Variants in TUB observed in about 807,000 individuals in gnomAD.
TUB encodes tubby protein homolog.
Under a neutral mutation model 59.7 loss-of-function variants are expected in TUB, and 33 were observed. That is an observed-to-expected ratio of 0.55 (90% CI 0.42 to 0.74). The LOEUF (loss-of-function observed/expected upper bound fraction) is 0.74. Among genes scored for constraint, TUB ranks in the 30% least tolerant of loss-of-function variants. TUB has a pLI of 0.00. For missense variants in TUB, 659 were observed against 672.0 expected, an observed-to-expected ratio of 0.98 and a Z score of 0.21; for synonymous variants, 293 against 256.4, an observed-to-expected ratio of 1.14 and a Z score of -1.36.
chr11:8,073,654 C>T (rs1943395513), intron 2 of TUB, among the ~76,000 whole-genome samples: 2 of 152,202 alleles, frequency 1.3e-5, no homozygotes, highest in South Asian at 4.1e-4. Flanking sequence ...TCCAATAATG[C>T]TGGTGAAACA....
chr11:8,072,051 G>A lies in TUB; in HGVS notation c.204-17559G>A, dbSNP rs11041731. Among the ~76,000 whole-genome samples, 1,007 of 152,338 alleles carry A rather than the reference G, an allele frequency of 6.6e-3. 11 individuals carry two copies. The highest frequency in any genetic ancestry group is 0.023 in the African/African-American group (957 of 41,574). On this transcript the variant is annotated intron_variant, in intron 2 of 12. Coordinates refer to the TUB transcript ENST00000305253. ...TGGAGGTACAGGAAGGGGCCACTCT[G>A]CAGCAGCGGAGAGGGTGGTGACAGC...
At chr11:8,021,332 T>C (rs1296474829) in intron 1 of TUB, among the ~76,000 whole-genome samples, 11 of 152,024 alleles carry the variant, frequency 7.2e-5, no homozygotes, top group Non-Finnish European at 2.9e-5. Context: ...TAGCTGGGCA[T>C]GGAGGTGCAC....
chr11:8,042,200 G>T (rs574047053), intron 2 of TUB, among the ~76,000 whole-genome samples: 1 of 151,192 alleles, frequency 6.6e-6, no homozygotes, highest in Admixed American at 6.6e-5. Context: ...GCCTATTCTG[G>T]ACATTTCATG....
intron 2 of TUB, among the ~76,000 whole-genome samples, chr11:8,064,215 G>A (rs1378484126): frequency 6.6e-6 from 1 of 152,164 alleles, no homozygotes; most frequent in East Asian, 1.9e-4. Context: ...TTGCCCCAGG[G>A]AGAAGACTGA....
rs749961508 is a variant in TUB, at chr11:8,090,090, C to CAGA, written c.121_123dup (p.Lys41dup). ...ATAGCGGGCCCTGCTGGAGCAGAAG[C>CAGA]AGAAGAAGAAGCGCCAGGAGCCCCT... On this transcript the variant is annotated inframe_insertion, in exon 3 of 12. Transcript: ENST00000299506. 1 of 1,610,658 alleles carries CAGA rather than the reference C, an allele frequency of 6.2e-7. No homozygotes were observed. The highest frequency in any genetic ancestry group is 8.5e-7 in the Non-Finnish European group (1 of 1,178,624).
At chr11:8,090,797 C>G (rs192267989) in intron 3 of TUB, among the ~76,000 whole-genome samples, 35 of 151,876 alleles carry the variant, frequency 2.3e-4, no homozygotes, top group Admixed American at 1.4e-3. Context: ...GAGAAATTCT[C>G]TGCAGCTCAT....
rs188858448 is a variant in TUB at position 8,092,199 on chromosome 11, T to C, written c.254-1847T>C. Reference sequence around the variant, plus strand: ...GCTCACACCTGTAATCCCAACACTTTGGGAGGCCAAGGCAGGAGGATTGCT... The same window carrying C: ...GCTCACACCTGTAATCCCAACACTTCGGGAGGCCAAGGCAGGAGGATTGCT... On this transcript the variant is annotated intron_variant, in intron 3 of 11. Transcript: ENST00000299506. Among the ~76,000 whole-genome samples the C allele has an allele frequency of 5.3e-5, 8 of 152,222 alleles. No individual in the cohort carries two copies. The East Asian group carries it at 1.6e-3, about 30-fold the overall frequency.
At chr11:8,062,950 CG>C (rs1425023084) in intron 2 of TUB, among the ~76,000 whole-genome samples, 1 of 152,190 alleles carries the variant, frequency 6.6e-6, no homozygotes, top group Non-Finnish European at 1.5e-5. Flanking sequence ...ACATACTCTT[CG>C]GTAACCTTTT....
At chr11:8,054,151 T>C (rs188557378) in intron 2 of TUB, among the ~76,000 whole-genome samples, 4 of 152,250 alleles carry the variant, frequency 2.6e-5, no homozygotes, top group Non-Finnish European at 4.4e-5. Flanking sequence ...TGTCCCAAAA[T>C]TCATCTTGGT....
upstream of TUB, chr11:8,076,243 G>C (rs1943446219): frequency 6.6e-6 from 1 of 152,118 alleles, no homozygotes; most frequent in Non-Finnish European, 1.5e-5. Context: ...CACTCTTGCT[G>C]CTCTTTGGAT....
intron 1 of TUB, among the ~76,000 whole-genome samples, chr11:8,030,923 C>A (rs534973926): frequency 2.6e-3 from 400 of 152,336 alleles, no homozygotes; most frequent in African/African-American, 9.0e-3. Context: ...ACCACAGTGT[C>A]CCGAAAGGAC....
intron 2 of TUB, among the ~76,000 whole-genome samples, chr11:8,070,777 C>T (rs1358039237): frequency 1.3e-5 from 2 of 152,180 alleles, no homozygotes; most frequent in African/African-American, 4.8e-5. Flanking sequence ...AGCCTGGCTT[C>T]TCTAAAAGCA....
At chr11:8,079,132 A>C (rs960933322), upstream of TUB, among the ~76,000 whole-genome samples, 2 of 152,126 alleles carry the variant, frequency 1.3e-5, no homozygotes, top group African/African-American at 4.8e-5. Flanking sequence ...CTTCCAACTA[A>C]ATTCTGATTG....
chr11:8,034,984 C>G (rs1273610706), upstream of TUB, among the ~76,000 whole-genome samples: 1 of 152,230 alleles, frequency 6.6e-6, no homozygotes. Flanking sequence ...GAACCCATGT[C>G]TCCCGGCTCC....
At chr11:8,085,215 C>T (rs575495522) in intron 1 of TUB, among the ~76,000 whole-genome samples, 3 of 152,326 alleles carry the variant, frequency 2.0e-5, no homozygotes, top group African/African-American at 4.8e-5. Context: ...GGCTCGTGGT[C>T]GCATTTGCAT....
At chr11:8,079,839 A>C (rs973090247), upstream of TUB, among the ~76,000 whole-genome samples, 4 of 152,182 alleles carry the variant, frequency 2.6e-5, no homozygotes, top group African/African-American at 9.7e-5. Context: ...ACTTTGGGCA[A>C]GATCCTTGCC....
chr11:8,030,700 T>C (rs565505247), intron 1 of TUB, among the ~76,000 whole-genome samples: 1 of 152,158 alleles, frequency 6.6e-6, no homozygotes, highest in Non-Finnish European at 1.5e-5. Context: ...GGGACCCTAG[T>C]GTCAGAATGA....
intron 2 of TUB, among the ~76,000 whole-genome samples, chr11:8,074,595 C>T (rs376119432): frequency 6.6e-6 from 1 of 151,884 alleles, no homozygotes; most frequent in East Asian, 2.0e-4. Flanking sequence ...TAAAATTAGC[C>T]AGGTGTGGTG....
intron 2 of TUB, among the ~76,000 whole-genome samples, chr11:8,073,162 C>T (rs61879639): frequency 0.021 from 3,189 of 152,290 alleles, 54 homozygotes; most frequent in Middle Eastern, 0.065. Context: ...GTCTGGAAAA[C>T]TCAGCTCACA....
Sources: allele counts gnomAD v4.1 joint callset (sites outside exome capture counted in the v4.1 genomes callset), GRCh38; gene constraint gnomAD v4.1.1; transcripts MANE v1.5; gene names NCBI Gene and HGNC (gene_info 2026-07-23, HGNC 2026-07-21).